FBLN2: variants seen among roughly 807,000 people sequenced by gnomAD.
The protein encoded by FBLN2 is fibulin-2.
FBLN2 carries 81 observed loss-of-function variants against 123.7 expected under a neutral mutation model. That is an observed-to-expected ratio of 0.65 (90% confidence interval 0.55 to 0.79). The LOEUF is 0.79. Among genes scored for constraint, FBLN2 ranks in the 30% least tolerant of loss-of-function variants. The pLI, the probability that FBLN2 is intolerant of heterozygous loss-of-function variation, is 0.00. For missense variants in FBLN2, 1,603 were observed against 1,681.3 expected, an observed-to-expected ratio of 0.95 and a Z score of 0.81; for synonymous variants, 699 against 701.4, an observed-to-expected ratio of 1.00 and a Z score of 0.05.
rs563190343 is a variant in FBLN2, at chr3:13,578,076, C to T, written c.1306+6415C>T. ...TGTGTTTGCCTGCCTGGGCAAAATG[C>T]GTGCATTTCACAGCCGGACCCAACC... On this transcript the variant is annotated intron_variant, in intron 2 of 17. Transcript: ENST00000404922. 3.9e-5 allele frequency among the ~76,000 whole-genome samples: 6 copies of T among 152,324 alleles called. No homozygotes were observed. The South Asian group carries it at 6.2e-4, about 16-fold the overall frequency.
intron 1 of FBLN2, among the ~76,000 whole-genome samples, chr3:13,562,950 A>G (rs1418593086): frequency 1.3e-5 from 2 of 152,192 alleles, no homozygotes; most frequent in Non-Finnish European, 2.9e-5. Flanking sequence ...GTGTTGCAGC[A>G]CGGGTCAGAA....
intron 12 of FBLN2, 57 bp downstream of exon 12, chr3:13,629,105 CT>C: frequency 3.7e-6 from 6 of 1,612,838 alleles, no homozygotes; most frequent in Middle Eastern, 1.7e-4. Context: ...TTCCCCACCC[CT>C]GGGAGGTGTG....
intron 2 of FBLN2, among the ~76,000 whole-genome samples, chr3:13,596,756 T>C (rs1168003171): frequency 6.6e-6 from 1 of 151,904 alleles, no homozygotes; most frequent in Non-Finnish European, 1.5e-5. Flanking sequence ...TTCCATTTTC[T>C]GTCTCTATGA....
intron 1 of FBLN2, among the ~76,000 whole-genome samples, chr3:13,554,372 C>G (rs60492194): frequency 6.6e-6 from 1 of 152,354 alleles, no homozygotes; most frequent in East Asian, 1.9e-4. Flanking sequence ...CTGGGACCCC[C>G]ATCCTGGCCC....
At position 13,571,545 on chromosome 3, in the gene FBLN2, C is replaced by G; in HGVS notation, c.1190C>G (p.Ala397Gly). The change falls in exon 2 of 18, where the codon GCC becomes GGC. Residue 397 changes from alanine to glycine, a missense_variant. Coordinates refer to ENST00000404922, the MANE Select transcript of FBLN2 (RefSeq NM_001004019.2). ...CTGTCCACATCACTGCCTGATGCAG[C>G]CTGGATCCCACCCACCCGAGAAGTG... ...NILSTSLPDA[A>G]WIPPTREVPR... 6.2e-7 allele frequency: 1 copy of G among 1,613,646 alleles called. No individual in the cohort carries two copies. The highest frequency in any genetic ancestry group is 8.5e-7 in the Non-Finnish European group (1 of 1,179,836).
Position 13,621,826 on chromosome 3 carries a change from G to A in FBLN2, c.2207G>A (p.Cys736Tyr), listed in dbSNP as rs768164013. Residue 736 changes from cysteine to tyrosine, a missense_variant, in exon 9 of 18, where the codon TGT becomes TAT. Cys to Tyr is a radical substitution (Grantham distance 194). Coordinates refer to ENST00000404922, the MANE Select transcript of FBLN2 (RefSeq NM_001004019.2). ...GAHDCSRRQF[C>Y]VNTLGSFYCV... ...CACGATTGTAGCCGGCGACAGTTCTGTGTGAACACCCTGGGATCCTTCTAC... is the reference window on the plus strand; with the variant it reads ...CACGATTGTAGCCGGCGACAGTTCTATGTGAACACCCTGGGATCCTTCTAC... 5 of 1,614,024 alleles carry A rather than the reference G, an allele frequency of 3.1e-6. 1 individual carries two copies. In the South Asian group the frequency reaches 4.4e-5, roughly 14 times the overall value.
intron 8 of FBLN2, 65 bp from the exon 9 acceptor site, chr3:13,621,710 A>T: frequency 6.4e-7 from 1 of 1,570,578 alleles, no homozygotes; most frequent in Non-Finnish European, 8.7e-7. Flanking sequence ...CTGTCACTGG[A>T]TGCTCCGTGG....
chr3:13,579,237 A>G (rs1049771436), intron 2 of FBLN2, among the ~76,000 whole-genome samples: 6 of 152,218 alleles, frequency 3.9e-5, no homozygotes, highest in Non-Finnish European at 5.9e-5. Flanking sequence ...AATGATGCTG[A>G]GCATGTGTTC....
At chr3:13,568,974 T>G in intron 1 of FBLN2, 1 of 985,498 alleles carries the variant, frequency 1.0e-6, no homozygotes, top group Non-Finnish European at 1.2e-6. Context: ...TGGTAACGAG[T>G]CCTGCTGTCC....
At chr3:13,565,270 T>C (rs1191807006) in intron 1 of FBLN2, among the ~76,000 whole-genome samples, 1 of 152,238 alleles carries the variant, frequency 6.6e-6, no homozygotes, top group Non-Finnish European at 1.5e-5. Flanking sequence ...ACCAAAGCTG[T>C]GATAGCCCCA....
rs372510240 is a variant in FBLN2 at position 13,570,475 on chromosome 3, G to T, written c.120G>T (p.Pro40=). Residue 40 remains proline (P), a synonymous_variant, in exon 2 of 18, where the codon CCG becomes CCT. Coordinates refer to ENST00000404922, the MANE Select transcript of FBLN2 (RefSeq NM_001004019.2). Reference sequence around the variant, plus strand: ...ACTGCACGGGCGTGGAGTGCCCGCCGCTGGAGAACTGCATTGAGGAGGCGC... The same window carrying T: ...ACTGCACGGGCGTGGAGTGCCCGCCTCTGGAGAACTGCATTGAGGAGGCGC... ...RQDCTGVECP[P]LENCIEEALE... is the part of the protein sequence containing the mutation. 30 of 1,579,828 alleles carry T rather than the reference G, an allele frequency of 1.9e-5. No individual in the cohort carries two copies. Among genetic ancestry groups the T allele is most frequent in the African/African-American group, 2.7e-5 (2 of 74,292 alleles).
chr3:13,586,374 G>A lies in FBLN2; in HGVS notation c.1306+14713G>A, dbSNP rs185006625. Among the ~76,000 whole-genome samples, 305 of 151,708 alleles carry A rather than the reference G, an allele frequency of 2.0e-3. 1 individual carries two copies. The highest frequency in any genetic ancestry group is 6.9e-3 in the African/African-American group (284 of 41,334). ...TAATTTTTGTATTTTTAGTAGAGAC[G>A]GGGTTACACCATGTTGGTCAGGCTG... is the stretch of plus-strand genomic sequence containing the variant. On this transcript the variant is annotated intron_variant, in intron 2 of 17. Transcript: ENST00000404922.
At chr3:13,573,266 G>A (rs1704022232) in intron 2 of FBLN2, among the ~76,000 whole-genome samples, 1 of 151,986 alleles carries the variant, frequency 6.6e-6, no homozygotes, top group African/African-American at 2.4e-5. Flanking sequence ...TCTGGCTAAG[G>A]GGCCTTTGCA....
chr3:13,609,303 G>A (rs1005453811), intron 3 of FBLN2, among the ~76,000 whole-genome samples: 3 of 152,194 alleles, frequency 2.0e-5, no homozygotes, highest in African/African-American at 4.8e-5. Context: ...ACACATCTCC[G>A]AGTCTAGTGG....
chr3:13,611,465 C>G (rs1407603928), intron 4 of FBLN2, among the ~76,000 whole-genome samples: 2 of 152,250 alleles, frequency 1.3e-5, no homozygotes, highest in Admixed American at 6.5e-5. Context: ...ACCACCATTC[C>G]GCTTTCTGTC....
intron 2 of FBLN2, among the ~76,000 whole-genome samples, chr3:13,602,709 G>T (rs73814611): frequency 4.6e-5 from 7 of 152,104 alleles, no homozygotes; most frequent in Non-Finnish European, 8.8e-5. Context: ...TGTTATGGGG[G>T]TATAGGAAAG....
At chr3:13,587,095 A>G (rs1259115600) in intron 2 of FBLN2, among the ~76,000 whole-genome samples, 2 of 150,548 alleles carry the variant, frequency 1.3e-5, no homozygotes. Flanking sequence ...TAGTGAGCCC[A>G]GATTGGGCCA....
intron 5 of FBLN2, among the ~76,000 whole-genome samples, chr3:13,615,297 G>C (rs1022387390): frequency 6.6e-6 from 1 of 152,238 alleles, no homozygotes; most frequent in Non-Finnish European, 1.5e-5. Context: ...GTGTCCACAT[G>C]TTCAGCCTCA....
At position 13,637,705 on chromosome 3, in the gene FBLN2, G is replaced by A. The variant is rs768262063; in HGVS notation, c.3482G>A (p.Gly1161Glu). ...FRIGPAPAFT[G>E]DTIALNIIKG... Reference sequence around the variant, plus strand: ...ATTGGCCCCGCGCCAGCCTTCACGGGGGACACCATCGCCCTGAACATCATC... The same window carrying A: ...ATTGGCCCCGCGCCAGCCTTCACGGAGGACACCATCGCCCTGAACATCATC... Residue 1161 changes from glycine to glutamate, a missense_variant, in exon 18 of 18, where the codon GGG becomes GAG. Coordinates refer to ENST00000404922, the MANE Select transcript of FBLN2 (RefSeq NM_001004019.2). 21 of 1,614,006 alleles carry A rather than the reference G, an allele frequency of 1.3e-5. No individual in the cohort carries two copies. The Admixed American group carries it at 3.0e-4, about 23-fold the overall frequency.
Sources: gnomAD v4.1 joint callset for allele counts (sites outside exome capture counted in the v4.1 genomes callset) on GRCh38, gnomAD v4.1.1 for gene constraint, MANE v1.5 for transcripts, NCBI Gene and HGNC (gene_info 2026-07-23, HGNC 2026-07-21) for gene names.